The following CSMD1 variants were observed in gnomAD, a reference collection of about 807,000 sequenced individuals.
CSMD1 encodes CUB and Sushi multiple domains 1.
Under a neutral mutation model 417.5 loss-of-function variants are expected in CSMD1, and 213 were observed. The ratio of observed to expected loss-of-function variants is 0.51; its 90% CI spans 0.46 to 0.57. CSMD1 has a LOEUF of 0.57. Among genes scored for constraint, CSMD1 ranks in the 20% least tolerant of loss-of-function variants. CSMD1 has a pLI of 0.00. For synonymous variants in CSMD1, 2,862 were observed against 1,736.8 expected (o/e 1.65, Z -16.11); for missense variants, 6,923 against 4,529.7 (o/e 1.53, Z -15.17).
In CSMD1 at chr8:3,726,716, C is replaced by T. The variant is rs369193897; in HGVS notation, c.932-18225G>A. On this transcript the variant is annotated intron_variant, in intron 6 of 69. Transcript: ENST00000635120. ...TACGAGGTGTATATTTACCTATGGGCCCTTGAATACCAGAGGGAACTTGCC... is the reference window on the plus strand; with the variant it reads ...TACGAGGTGTATATTTACCTATGGGTCCTTGAATACCAGAGGGAACTTGCC... Among the ~76,000 whole-genome samples the T allele has an allele frequency of 8.2e-4, 125 of 152,212 alleles. 1 individual carries two copies. The highest frequency in any genetic ancestry group is 2.9e-3 in the African/African-American group (120 of 41,534).
chr8:3,260,938 C>G lies in CSMD1; in HGVS notation c.4153+23206G>C, dbSNP rs149631372. 1.2e-4 allele frequency among the ~76,000 whole-genome samples: 19 copies of G among 152,042 alleles called. No homozygotes were observed. In the East Asian group the frequency reaches 3.5e-3, roughly 28 times the overall value. ...GTGTCTTAAAAATATAAAGAATGCT[C>G]AAGACTGAAGAGTAAAGAAAAATAA... On this transcript the variant is annotated intron_variant, in intron 26 of 69. Coordinates refer to ENST00000635120, the MANE Select transcript of CSMD1 (RefSeq NM_033225.6).
intron 3 of CSMD1, among the ~76,000 whole-genome samples, chr8:4,077,401 T>C (rs1345433187): frequency 2.0e-5 from 3 of 151,080 alleles, no homozygotes; most frequent in African/African-American, 7.3e-5. Flanking sequence ...TTTATTATAA[T>C]AAGCTCTTAA....
intron 1 of CSMD1, among the ~76,000 whole-genome samples, chr8:4,924,648 G>A (rs1243022813): frequency 1.3e-5 from 2 of 149,028 alleles, no homozygotes; most frequent in East Asian, 2.0e-4. Context: ...CTTGAAACTG[G>A]GAGGTGGAGG....
chr8:4,377,728 T>C (rs905420589), intron 3 of CSMD1, among the ~76,000 whole-genome samples: 15 of 152,252 alleles, frequency 9.9e-5, no homozygotes. Flanking sequence ...AAAATACTTC[T>C]TACTCTGCCC....
chr8:3,447,920 C>T (rs1417071351), intron 12 of CSMD1, among the ~76,000 whole-genome samples: 1 of 152,068 alleles, frequency 6.6e-6, no homozygotes. Flanking sequence ...GAGCTGGAAG[C>T]TATTTTCTCT....
chr8:4,304,769 C>T (rs1340537097), intron 3 of CSMD1, among the ~76,000 whole-genome samples: 2 of 152,156 alleles, frequency 1.3e-5, no homozygotes, highest in Non-Finnish European at 2.9e-5. Context: ...ATATACATTA[C>T]AATAAATTAG....
At chr8:3,497,107 A>G (rs541718267) in intron 10 of CSMD1, among the ~76,000 whole-genome samples, 45 of 152,288 alleles carry the variant, frequency 3.0e-4, no homozygotes, top group African/African-American at 1.1e-3. Context: ...GATGAGAAAA[A>G]TGTGTATTAT....
At chr8:3,028,467 C>T (rs113927496) in intron 51 of CSMD1, among the ~76,000 whole-genome samples, 18 of 152,182 alleles carry the variant, frequency 1.2e-4, no homozygotes, top group Non-Finnish European at 2.1e-4. Flanking sequence ...AAACAGGCTT[C>T]AGGCAGGGCT....
Position 4,446,771 on chromosome 8 carries a change from G to C in CSMD1, c.303-26706C>G, listed in dbSNP as rs865805280. Among the ~76,000 whole-genome samples the C allele has an allele frequency of 2.9e-3, 425 of 145,860 alleles. 2 individuals are homozygous for C. The highest frequency in any genetic ancestry group is 0.01 in the African/African-American group (385 of 38,098). On this transcript the variant is annotated intron_variant, in intron 2 of 69. Transcript: ENST00000635120. ...TGTGTGTGTCTGTGTGTGTGTGTGT[G>C]TGTGTGTGTGTGTGTGTGTGTGTGT...
intron 3 of CSMD1, among the ~76,000 whole-genome samples, chr8:4,082,258 C>A (rs973318603): frequency 6.6e-6 from 1 of 152,060 alleles, no homozygotes; most frequent in Non-Finnish European, 1.5e-5. Flanking sequence ...AAATTACAAC[C>A]TATTAAAACT....
At chr8:3,959,530 C>G (rs531170196) in intron 5 of CSMD1, among the ~76,000 whole-genome samples, 18 of 152,034 alleles carry the variant, frequency 1.2e-4, no homozygotes, top group Non-Finnish European at 2.2e-4. Context: ...AACCAACGAA[C>G]GAAAGAAAGA....
At chr8:3,984,036 C>A (rs187559394) in intron 5 of CSMD1, among the ~76,000 whole-genome samples, 1 of 47,868 alleles carries the variant, frequency 2.1e-5, no homozygotes, top group African/African-American at 7.3e-5. Context: ...CTAGAGCACA[C>A]GGCAGATCTG....
chr8:4,660,287 G>C (rs1016999010), intron 1 of CSMD1, among the ~76,000 whole-genome samples: 2 of 152,072 alleles, frequency 1.3e-5, no homozygotes, highest in African/African-American at 4.8e-5. Context: ...GGACAGAAGA[G>C]TTAAAAACGC....
intron 3 of CSMD1, among the ~76,000 whole-genome samples, chr8:4,318,387 C>G (rs536530665): frequency 4.6e-5 from 7 of 152,194 alleles, no homozygotes; most frequent in African/African-American, 1.7e-4. Context: ...GTACACATCT[C>G]TATTTGCGCA....
chr8:3,434,319 T>C (rs1214847138), intron 12 of CSMD1, among the ~76,000 whole-genome samples: 4 of 152,188 alleles, frequency 2.6e-5, no homozygotes, highest in African/African-American at 4.8e-5. Flanking sequence ...TAATTACCAG[T>C]AGATGTTCCT....
At chr8:3,051,990 C>T (rs1407192049) in intron 50 of CSMD1, among the ~76,000 whole-genome samples, 1 of 152,170 alleles carries the variant, frequency 6.6e-6, no homozygotes, top group African/African-American at 2.4e-5. Flanking sequence ...GCTTTATTTA[C>T]TGAGCATCGA....
chr8:4,467,096 TTAG>T (rs1800219338), intron 2 of CSMD1, among the ~76,000 whole-genome samples: 1 of 144,546 alleles, frequency 6.9e-6, no homozygotes, highest in Admixed American at 7.2e-5. Context: ...AAATTTCAAC[TTAG>T]TCTTGCTCTA....
chr8:4,427,716 A>G (rs1797643972), intron 2 of CSMD1, among the ~76,000 whole-genome samples: 1 of 152,194 alleles, frequency 6.6e-6, no homozygotes, highest in Admixed American at 6.5e-5. Flanking sequence ...TATTCAGCAT[A>G]TCACTAATTT....
chr8:3,988,993 T>C (rs1040593484), intron 5 of CSMD1, among the ~76,000 whole-genome samples: 4 of 152,202 alleles, frequency 2.6e-5, no homozygotes, highest in African/African-American at 7.2e-5. Flanking sequence ...TAGAACTAGA[T>C]ACAGGTAAAA....
Sources: gnomAD v4.1 joint callset for allele counts (sites outside exome capture counted in the v4.1 genomes callset) on GRCh38, gnomAD v4.1.1 for gene constraint, MANE v1.5 for transcripts, NCBI Gene and HGNC (gene_info 2026-07-23, HGNC 2026-07-21) for gene names.